Variants in TOP2A observed in about 807,000 individuals in gnomAD.
The protein encoded by TOP2A is DNA topoisomerase II alpha.
A neutral mutation model predicts 187.2 loss-of-function variants in TOP2A; 68 were observed. That is an observed-to-expected ratio of 0.36 (90% CI 0.30 to 0.44). The LOEUF is 0.44. TOP2A is among the 20% of genes least tolerant of loss of function. TOP2A has a pLI of 1.00. For missense variants in TOP2A, 1,196 were observed against 1,808.7 expected, an observed-to-expected ratio of 0.66 and a Z score of 6.14; for synonymous variants, 542 against 593.2, an observed-to-expected ratio of 0.91 and a Z score of 1.25.
chr17:40,390,590 G>A (rs1433787297), intron 33 of TOP2A, among the ~76,000 whole-genome samples: 2 of 151,508 alleles, frequency 1.3e-5, no homozygotes, highest in East Asian at 3.9e-4. Flanking sequence ...TAAGAGAGGT[G>A]AAAACAGAGA....
At chr17:40,403,789 G>A (rs1239884522) in intron 19 of TOP2A, among the ~76,000 whole-genome samples, 1 of 152,092 alleles carries the variant, frequency 6.6e-6, no homozygotes, top group African/African-American at 2.4e-5. Flanking sequence ...AATAGACCCT[G>A]GATATTCCTC....
intron 29 of TOP2A, among the ~76,000 whole-genome samples, chr17:40,394,282 G>A (rs2035062856): frequency 6.6e-6 from 1 of 152,066 alleles, no homozygotes; most frequent in African/African-American, 2.4e-5. Context: ...TTCTTGGGGG[G>A]CAATAAATTG....
intron 1 of TOP2A, 40 bp downstream of exon 1, chr17:40,417,731 G>C (rs1300018296): frequency 1.2e-6 from 2 of 1,611,290 alleles, no homozygotes; most frequent in Admixed American, 3.3e-5. Flanking sequence ...TGCCCGGGCC[G>C]CGCGGAGGCT....
Position 40,411,486 on chromosome 17 carries a change from T to C in TOP2A, c.964-31A>G. 2 of 1,594,812 alleles carry C rather than the reference T, an allele frequency of 1.3e-6. No individual in the cohort carries two copies. Among genetic ancestry groups the C allele is most frequent in the Non-Finnish European group, 1.7e-6 (2 of 1,162,654 alleles). On this transcript the variant is annotated intron_variant, in intron 8 of 34. Coordinates refer to ENST00000423485, the MANE Select transcript of TOP2A (RefSeq NM_001067.4). The surrounding 1 kb of genome is among the most constrained non-coding windows in gnomAD (Gnocchi z 4.4). The stretch of plus-strand genomic sequence containing the variant: ...AAGGAAAAATACCAAACTGTAAAAC[T>C]CAGTATCCTCAAAATTATAATAATC...
In TOP2A at chr17:40,411,568, C is replaced by T; in HGVS notation, c.963+77G>A. ...ACTAAGCTAGCCCAATATTCAAGTC[C>T]ACTTTATATATTAAAAACAATAAGA... is the stretch of plus-strand genomic sequence containing the variant. On this transcript the variant is annotated intron_variant, in intron 8 of 34. Transcript: ENST00000423485. The surrounding 1 kb of genome is among the most constrained non-coding windows in gnomAD (Gnocchi z 4.4). 6.4e-7 allele frequency: 1 copy of T among 1,551,742 alleles called. No homozygotes were observed. The highest frequency in any genetic ancestry group is 8.9e-7 in the Non-Finnish European group (1 of 1,129,348).
At chr17:40,391,920 C>A in intron 32 of TOP2A, 148 bp downstream of exon 32, 1 of 911,866 alleles carries the variant, frequency 1.1e-6, no homozygotes, top group South Asian at 1.8e-5. Context: ...TGAAACTAAA[C>A]CCAGTGAACA....
Position 40,395,468 on chromosome 17 carries a change from C to T in TOP2A, c.3792G>A (p.Lys1264=). 6.2e-7 allele frequency: 1 copy of T among 1,608,462 alleles called. No individual in the cohort carries two copies. Among genetic ancestry groups the T allele is most frequent in the East Asian group, 2.2e-5 (1 of 44,760 alleles). ...TAATACCTGGTTCTCTTTTCTGTTTCTTTTCTAATCTTTGTTTTAGGCCTT... is the reference window on the plus strand; with the variant it reads ...TAATACCTGGTTCTCTTTTCTGTTTTTTTTCTAATCTTTGTTTTAGGCCTT... ...ELEGLKQRLE[K]KQKREPGTKT... The change falls in exon 29 of 35, where the codon AAG becomes AAA. Residue 1264 remains lysine, a synonymous_variant. Transcript: ENST00000423485.
intron 20 of TOP2A, 51 bp downstream of exon 20, chr17:40,402,855 T>G: frequency 6.5e-7 from 1 of 1,536,564 alleles, no homozygotes; most frequent in Non-Finnish European, 8.8e-7. Context: ...AAATCTCACA[T>G]TGTTTCAAAA....
intron 4 of TOP2A, among the ~76,000 whole-genome samples, chr17:40,414,992 C>T (rs1024540525): frequency 1.3e-5 from 2 of 151,170 alleles, no homozygotes; most frequent in Non-Finnish European, 1.5e-5. Flanking sequence ...ACTCGATATA[C>T]ATTATGGTTC....
chr17:40,406,468 T>C lies in TOP2A; in HGVS notation c.1869A>G (p.Glu623=). ...TCATATCTGCAAAGTATTCTTTAGC[T>C]TCCTTTGATGTGCTGGTGCCCAAAC... The part of the protein sequence containing the change: ...YKGLGTSTSK[E]AKEYFADMKR... Residue 623 remains glutamate (E), a synonymous_variant, in exon 16 of 35, where the codon GAA becomes GAG. Transcript: ENST00000423485. 1.2e-6 allele frequency: 2 copies of C among 1,613,826 alleles called. No homozygotes were observed. The highest frequency in any genetic ancestry group is 2.2e-5 in the South Asian group (2 of 91,078).
At chr17:40,413,386 T>C in intron 5 of TOP2A, 94 bp from the exon 6 acceptor site, 1 of 1,391,836 alleles carries the variant, frequency 7.2e-7, no homozygotes, top group Non-Finnish European at 9.7e-7. Flanking sequence ...ATTATAGAGA[T>C]TTATTTCCAT....
intron 27 of TOP2A, 70 bp from the exon 28 acceptor site, chr17:40,396,535 GT>G: frequency 6.5e-7 from 1 of 1,540,186 alleles, no homozygotes; most frequent in Non-Finnish European, 8.8e-7. Flanking sequence ...ACACCCAACA[GT>G]TAAACTGATT....
intron 27 of TOP2A, among the ~76,000 whole-genome samples, chr17:40,397,051 TA>T (rs1327452891): frequency 6.6e-6 from 1 of 151,472 alleles, no homozygotes; most frequent in African/African-American, 2.4e-5. Flanking sequence ...CCTGGCTATT[TA>T]AAAAAAACAT....
rs2035394713 is a variant in TOP2A at position 40,416,749 on chromosome 17, T to C, written c.168A>G (p.Leu56=). 1 of 1,605,842 alleles carries C rather than the reference T, an allele frequency of 6.2e-7. No homozygotes were observed. Among genetic ancestry groups the C allele is most frequent in the Non-Finnish European group, 8.5e-7 (1 of 1,177,766 alleles). The part of the protein sequence containing the change: ...RPDTYIGSVE[L]VTQQMWVYDE... The stretch of plus-strand genomic sequence containing the variant: ...ATGAGCTTGATTTTACCTGGGTCAC[T>C]AATTCCACAGAACCAATGTAGGTGT... Residue 56 remains leucine, a synonymous_variant, in exon 2 of 35, where the codon TTA becomes TTG. Coordinates refer to ENST00000423485, the MANE Select transcript of TOP2A (RefSeq NM_001067.4).
intron 4 of TOP2A, among the ~76,000 whole-genome samples, chr17:40,414,728 C>A (rs368912438): frequency 1.3e-5 from 2 of 151,528 alleles, no homozygotes; most frequent in Non-Finnish European, 2.9e-5. Flanking sequence ...TGGTGGTGTG[C>A]GCCTGTAATC....
intron 12 of TOP2A, 28 bp downstream of exon 12, chr17:40,407,939 A>G: frequency 6.3e-7 from 1 of 1,579,754 alleles, no homozygotes; most frequent in South Asian, 1.1e-5. Flanking sequence ...AATTAGATTT[A>G]GATTCTGAAG....
intron 27 of TOP2A, 97 bp downstream of exon 27, chr17:40,398,461 T>C: frequency 9.1e-7 from 1 of 1,104,442 alleles, no homozygotes; most frequent in Non-Finnish European, 1.3e-6. Context: ...TTATTTTCTT[T>C]TTATTGCCAA....
chr17:40,402,587 C>T (rs1455043560), intron 20 of TOP2A, among the ~76,000 whole-genome samples: 1 of 152,156 alleles, frequency 6.6e-6, no homozygotes, highest in Non-Finnish European at 1.5e-5. Context: ...GGGATGACAG[C>T]TGAAAATTGA....
Position 40,400,105 on chromosome 17 carries a change from A to C in TOP2A, c.3001-38T>G, listed in dbSNP as rs1395162707. ...AACAAGATTAGAGCCAAGAATAGAC[A>C]AATTGGCTAAACTTTATAAAGGTAG... On this transcript the variant is annotated intron_variant, in intron 23 of 34. Transcript: ENST00000423485. 4 of 1,592,356 alleles carry C rather than the reference A, an allele frequency of 2.5e-6. No homozygotes were observed. The East Asian group carries it at 8.9e-5, about 36-fold the overall frequency.
Sources: allele counts gnomAD v4.1 joint callset (sites outside exome capture counted in the v4.1 genomes callset), GRCh38; gene constraint gnomAD v4.1.1; non-coding constraint Gnocchi (gnomAD v3.1); transcripts MANE v1.5; gene names NCBI Gene and HGNC (gene_info 2026-07-23, HGNC 2026-07-21).